EPB41L4A: variants seen among roughly 807,000 people sequenced by gnomAD.
EPB41L4A encodes band 4.1-like protein 4A.
A neutral mutation model predicts 108.6 loss-of-function variants in EPB41L4A; 100 were observed. That is an observed-to-expected ratio of 0.92 (90% confidence interval 0.78 to 1.09). EPB41L4A has a LOEUF of 1.09. EPB41L4A is among the 50% of genes least tolerant of loss of function. The pLI, the probability that EPB41L4A is intolerant of heterozygous loss-of-function variation, is 0.00. For synonymous variants in EPB41L4A, 319 were observed against 289.0 expected, an observed-to-expected ratio of 1.10 and a Z score of -1.05; for missense variants, 1,030 against 842.7, an observed-to-expected ratio of 1.22 and a Z score of -2.75.
At chr5:112,208,549 G>A (rs955245778) in intron 13 of EPB41L4A, among the ~76,000 whole-genome samples, 7 of 152,018 alleles carry the variant, frequency 4.6e-5, no homozygotes, top group Non-Finnish European at 7.4e-5. Context: ...ACATAAAGAT[G>A]GGAACAATAG....
intron 2 of EPB41L4A, among the ~76,000 whole-genome samples, chr5:112,294,480 A>G (rs1165145014): frequency 6.6e-6 from 1 of 152,222 alleles, no homozygotes; most frequent in Non-Finnish European, 1.5e-5. Context: ...GTATTATTCA[A>G]TAGACACAAA....
In EPB41L4A at chr5:112,326,290, C is replaced by T. The variant is rs556843179; in HGVS notation, c.100-18800G>A. On this transcript the variant is annotated intron_variant, in intron 1 of 22. Transcript: ENST00000261486. ...CAATCCACCTCAAAGGCATGCCAAA[C>T]CCCGCATCCAGAAGGAAATTCCATC... 9.2e-5 allele frequency among the ~76,000 whole-genome samples: 14 copies of T among 152,168 alleles called. No individual in the cohort carries two copies. In the South Asian group the frequency reaches 1.0e-3, roughly 11 times the overall value.
At chr5:112,348,919 T>G (rs1015858746) in intron 1 of EPB41L4A, among the ~76,000 whole-genome samples, 6 of 152,174 alleles carry the variant, frequency 3.9e-5, no homozygotes, top group African/African-American at 1.4e-4. Flanking sequence ...AAGACATGAC[T>G]AAGACAGGGT....
chr5:112,224,359 T>A (rs994742452), intron 12 of EPB41L4A, among the ~76,000 whole-genome samples: 6 of 152,176 alleles, frequency 3.9e-5, no homozygotes, highest in African/African-American at 1.2e-4. Context: ...TTTCACAACT[T>A]TGCAAGACTT....
At chr5:112,414,917 G>C (rs1409959448) in intron 1 of EPB41L4A, among the ~76,000 whole-genome samples, 1 of 152,052 alleles carries the variant, frequency 6.6e-6, no homozygotes, top group Non-Finnish European at 1.5e-5. Flanking sequence ...ACCCAATCAA[G>C]ACCACAGTGA....
rs544383542 is a variant in EPB41L4A at position 112,333,917 on chromosome 5, T to C, written c.100-26427A>G. Among the ~76,000 whole-genome samples, 5 of 152,262 alleles carry C rather than the reference T, an allele frequency of 3.3e-5. No individual in the cohort carries two copies. The South Asian group carries it at 6.2e-4, about 19-fold the overall frequency. On this transcript the variant is annotated intron_variant, in intron 1 of 22. Transcript: ENST00000261486. ...TCATCTAAAGGACTGCAGTATACTA[T>C]CAACAGCGTAAACCAAAAATAAAAT... is the stretch of plus-strand genomic sequence containing the variant.
rs1580874635 is a variant in EPB41L4A, at chr5:112,418,982, C to T, written c.58G>A (p.Glu20Lys). The change falls in exon 1 of 23, where the codon GAA (glutamate) becomes AAA (lysine). Residue 20 changes from glutamate to lysine, a missense_variant. Coordinates refer to ENST00000261486, the MANE Select transcript of EPB41L4A (RefSeq NM_022140.5). Reference sequence around the variant, plus strand: ...TGGGTGGTAAGGGTTAACTTGGATTCATCCAGGAGCAAAACTTCGCAGTAA... The same window carrying T: ...TGGGTGGTAAGGGTTAACTTGGATTTATCCAGGAGCAAAACTTCGCAGTAA... ...EFYCEVLLLD[E>K]SKLTLTTQQQ... 4 of 1,613,634 alleles carry T rather than the reference C, an allele frequency of 2.5e-6. No homozygotes were observed. The highest frequency in any genetic ancestry group is 3.4e-6 in the Non-Finnish European group (4 of 1,179,730).
chr5:112,209,878 T>C lies in EPB41L4A; in HGVS notation c.1178+14A>G, dbSNP rs1762648913. On this transcript the variant is annotated intron_variant, in intron 13 of 22. Coordinates refer to ENST00000261486, the MANE Select transcript of EPB41L4A (RefSeq NM_022140.5). ...AGCATATAATTGTACGTTTCTTCAG[T>C]TAACTTCACTGACCTTTTTACTGGT... 1.3e-6 allele frequency: 2 copies of C among 1,528,060 alleles called. No homozygotes were observed. The highest frequency in any genetic ancestry group is 1.1e-5 in the South Asian group (1 of 87,256). 94.7% of individuals were successfully genotyped at this position (1,528,060 alleles called of 1,614,324 possible). A position where few individuals can be genotyped will look rare whatever the true frequency, so the allele number is the denominator to read the frequency against.
At chr5:112,360,507 G>A (rs7380745) in intron 1 of EPB41L4A, among the ~76,000 whole-genome samples, 34,806 of 152,146 alleles carry the variant, frequency 0.23, 4,727 homozygotes, top group African/African-American at 0.37. Context: ...GCTCCTGACC[G>A]CGAGTGATCT....
intron 1 of EPB41L4A, among the ~76,000 whole-genome samples, chr5:112,404,042 G>A (rs1005306018): frequency 4.6e-5 from 7 of 152,178 alleles, no homozygotes; most frequent in African/African-American, 1.7e-4. Context: ...TTTCTAATCG[G>A]CAAATGCAAA....
intron 18 of EPB41L4A, among the ~76,000 whole-genome samples, chr5:112,178,261 C>T (rs547316534): frequency 2.0e-5 from 3 of 152,124 alleles, no homozygotes; most frequent in African/African-American, 7.2e-5. Context: ...AAGGAAAAAA[C>T]CATACATATG....
chr5:112,192,540 TA>T (rs1761756494), intron 17 of EPB41L4A, among the ~76,000 whole-genome samples: 2 of 152,202 alleles, frequency 1.3e-5, no homozygotes, highest in South Asian at 4.1e-4. Flanking sequence ...CAAAGTGCAT[TA>T]AACATTCAGA....
downstream of EPB41L4A, chr5:112,161,592 G>A (rs1472266077): frequency 1.9e-6 from 1 of 519,192 alleles, no homozygotes; most frequent in Non-Finnish European, 3.8e-6. Context: ...GATACCTTTG[G>A]TGTAGGAGCT....
At chr5:112,249,531 A>G (rs1332912615) in intron 9 of EPB41L4A, 10 of 152,200 alleles carry the variant, frequency 6.6e-5, no homozygotes, top group Admixed American at 3.3e-4. Flanking sequence ...GTTAGTACAC[A>G]TGATATCCTG....
intron 7 of EPB41L4A, 47 bp from the exon 8 acceptor site, chr5:112,260,026 T>C (rs1482803873): frequency 1.5e-6 from 2 of 1,340,260 alleles, no homozygotes; most frequent in South Asian, 1.2e-5. Flanking sequence ...ACATAAAATC[T>C]CTTTGTCAAA....
intron 3 of EPB41L4A, among the ~76,000 whole-genome samples, chr5:112,279,119 G>A (rs2150502799): frequency 6.6e-6 from 1 of 151,462 alleles, no homozygotes; most frequent in South Asian, 2.1e-4. Context: ...TTTCCAACTG[G>A]TATTTTTTTA....
At position 112,205,375 on chromosome 5, in the gene EPB41L4A, A is replaced by T. The variant is rs754377418; in HGVS notation, c.1262+46T>A. On this transcript the variant is annotated intron_variant, in intron 14 of 22. Transcript: ENST00000261486. The stretch of plus-strand genomic sequence containing the variant: ...TTTATTCAATGAGCTGCATGTACTA[A>T]CCCCTTTTCTACTGTCTCCTTTATA... The T allele has an allele frequency of 5.4e-6, 8 of 1,474,860 alleles. No individual in the cohort carries two copies. The East Asian group carries it at 1.4e-4, about 25-fold the overall frequency. 91.4% of individuals were successfully genotyped at this position (1,474,860 alleles called of 1,614,324 possible).
Position 112,275,420 on chromosome 5 carries a change from G to A in EPB41L4A, c.257-16C>T. Reference sequence around the variant, plus strand: ...GGAGGTCCAGCTAAAATAAGAAATAGAAATTAAATTTCACTAAAATCATAA... The same window carrying A: ...GGAGGTCCAGCTAAAATAAGAAATAAAAATTAAATTTCACTAAAATCATAA... On this transcript the variant is annotated splice_polypyrimidine_tract_variant and intron_variant, in intron 3 of 22. Coordinates refer to ENST00000261486, the MANE Select transcript of EPB41L4A (RefSeq NM_022140.5). 1.3e-6 allele frequency: 2 copies of A among 1,519,406 alleles called. No homozygotes were observed. Among genetic ancestry groups the A allele is most frequent in the Non-Finnish European group, 8.9e-7 (1 of 1,127,946 alleles). 94.1% of individuals were successfully genotyped at this position (1,519,406 alleles called of 1,614,324 possible). A position where few individuals can be genotyped will look rare whatever the true frequency, so the allele number is the denominator to read the frequency against.
intron 12 of EPB41L4A, among the ~76,000 whole-genome samples, chr5:112,212,388 G>C (rs1053071529): frequency 6.6e-6 from 1 of 151,696 alleles, no homozygotes; most frequent in Non-Finnish European, 1.5e-5. Context: ...TGCCTCCTCG[G>C]TTCAAGCAAT....
Sources: allele counts gnomAD v4.1 joint callset (sites outside exome capture counted in the v4.1 genomes callset), GRCh38; gene constraint gnomAD v4.1.1; transcripts MANE v1.5; gene names NCBI Gene and HGNC (gene_info 2026-07-23, HGNC 2026-07-21).